The following FNBP1L variants were observed in gnomAD, a reference collection of about 807,000 sequenced individuals.
The protein encoded by FNBP1L is formin-binding protein 1-like.
In FNBP1L, 36 loss-of-function variants were observed where a neutral mutation model predicts 91.2. The observed-to-expected ratio is 0.39, with a 90% CI of 0.30 to 0.52. FNBP1L has a LOEUF of 0.52. FNBP1L is among the 20% of genes least tolerant of loss of function. The pLI is 0.66. For synonymous variants in FNBP1L, 242 were observed against 237.0 expected, an observed-to-expected ratio of 1.02 and a Z score of -0.19; for missense variants, 571 against 732.1, an observed-to-expected ratio of 0.78 and a Z score of 2.54.
rs142123501 is a variant in FNBP1L at position 93,543,248 on chromosome 1, CAG to C, written c.1165-858_1165-857del. 6.6e-3 allele frequency among the ~76,000 whole-genome samples: 1,000 copies of C among 152,164 alleles called. 5 individuals are homozygous for C. Among genetic ancestry groups the C allele is most frequent in the Non-Finnish European group, 0.01 (690 of 68,004 alleles). ...CTGTTGTAATCTGTAATATAAGTAA[CAG>C]TGATTAAAATAACATTTAAGGGAAA... On this transcript the variant is annotated intron_variant, in intron 11 of 16. Transcript: ENST00000271234.
intron 1 of FNBP1L, among the ~76,000 whole-genome samples, chr1:93,498,633 A>T (rs982206344): frequency 1.3e-5 from 2 of 152,210 alleles, no homozygotes; most frequent in African/African-American, 4.8e-5. Context: ...TGCAGACTTG[A>T]TATAAGAGGG....
chr1:93,547,460 T>TG lies in FNBP1L; in HGVS notation c.1502+19_1502+20insG. ...GAGAAAGGTGATTTTTTGTATTTTATTTGTATTTCTTCTCCCCAGAGTTTT... is the reference window on the plus strand; with the variant it reads ...GAGAAAGGTGATTTTTTGTATTTTATGTTGTATTTCTTCTCCCCAGAGTTTT... On this transcript the variant is annotated intron_variant, in intron 14 of 16. Transcript: ENST00000271234. 1 of 1,535,278 alleles carries TG rather than the reference T, an allele frequency of 6.5e-7. No individual in the cohort carries two copies. The highest frequency in any genetic ancestry group is 8.8e-7 in the Non-Finnish European group (1 of 1,133,328).
intron 1 of FNBP1L, among the ~76,000 whole-genome samples, chr1:93,489,541 GA>G (rs1670027731): frequency 6.6e-6 from 1 of 151,986 alleles, no homozygotes; most frequent in South Asian, 2.1e-4. Flanking sequence ...GAGTGGAAGT[GA>G]AAATCACAGA....
At chr1:93,537,598 C>T (rs965512740) in intron 10 of FNBP1L, among the ~76,000 whole-genome samples, 2 of 152,044 alleles carry the variant, frequency 1.3e-5, no homozygotes, top group African/African-American at 2.4e-5. Flanking sequence ...TTCTTTTTTC[C>T]TCCAGTGACA....
intron 5 of FNBP1L, among the ~76,000 whole-genome samples, chr1:93,525,546 A>AGT (rs1570846425): frequency 1.3e-5 from 2 of 152,062 alleles, no homozygotes; most frequent in East Asian, 3.9e-4. Context: ...CCACCTAATG[A>AGT]GTGTGTGTGT....
At chr1:93,548,459 C>T (rs2101775814) in intron 14 of FNBP1L, among the ~76,000 whole-genome samples, 1 of 152,266 alleles carries the variant, frequency 6.6e-6, no homozygotes, top group Middle Eastern at 3.4e-3. Flanking sequence ...AAGTTACCAA[C>T]TTCCCTGTTA....
At chr1:93,510,058 C>A (rs1332277617) in intron 2 of FNBP1L, among the ~76,000 whole-genome samples, 2 of 152,192 alleles carry the variant, frequency 1.3e-5, no homozygotes, top group Admixed American at 1.3e-4. Flanking sequence ...ATTGCCCAGG[C>A]TTGCTTAGGT....
At position 93,505,110 on chromosome 1, in the gene FNBP1L, C is replaced by CTTTTT. The variant is rs61426757; in HGVS notation, c.140+5541_140+5545dup. Reference sequence around the variant, plus strand: ...TGTGTTAAAAGGGTCCAGCTTCATTCTTTTTTTTTTTTTTTTTTGAGACAG... The same window carrying CTTTTT: ...TGTGTTAAAAGGGTCCAGCTTCATTCTTTTTTTTTTTTTTTTTTTTTTTGAGACAG... On this transcript the variant is annotated intron_variant, in intron 2 of 16. Coordinates refer to ENST00000271234, the MANE Select transcript of FNBP1L (RefSeq NM_001164473.3). 1.0e-4 allele frequency among the ~76,000 whole-genome samples: 13 copies of CTTTTT among 125,182 alleles called. 2 individuals are homozygous for CTTTTT. Among genetic ancestry groups the CTTTTT allele is most frequent in the African/African-American group, 1.2e-4 (4 of 33,182 alleles). The allele number at this position is 125,182 out of a possible 152,430, so 82.1% of individuals were successfully genotyped here.
rs550084998 is a variant in FNBP1L at position 93,532,977 on chromosome 1, G to T, written c.695G>T (p.Gly232Val). ...ATTAAACTCAGTGAGTGTTACAGAGGATTTGCTGACTCAGAACGCAAAGTT... is the reference window on the plus strand; with the variant it reads ...ATTAAACTCAGTGAGTGTTACAGAGTATTTGCTGACTCAGAACGCAAAGTT... The part of the protein sequence containing the change: ...RTIKLSECYR[G>V]FADSERKVIP... Residue 232 changes from glycine to valine, a missense_variant, in exon 8 of 17, where the codon GGA (glycine) becomes GTA (valine). Physicochemically the swap from Gly to Val is moderately radical, Grantham distance 109. This residue lies in a region of FNBP1L where 220 missense variants were observed against 313.6 expected (regional missense o/e 0.70). Coordinates refer to ENST00000271234, the MANE Select transcript of FNBP1L (RefSeq NM_001164473.3). 7.5e-5 allele frequency: 121 copies of T among 1,613,246 alleles called. 3 individuals carry two copies. The South Asian group carries it at 1.3e-3, about 17-fold the overall frequency.
At chr1:93,505,025 A>G (rs926583968) in intron 2 of FNBP1L, among the ~76,000 whole-genome samples, 1 of 148,916 alleles carries the variant, frequency 6.7e-6, no homozygotes, top group African/African-American at 2.5e-5. Context: ...ATTTTCTCCT[A>G]TGTTTTCTTC....
chr1:93,517,015 C>T (rs1194407965), intron 2 of FNBP1L, among the ~76,000 whole-genome samples: 2 of 151,046 alleles, frequency 1.3e-5, no homozygotes, highest in African/African-American at 4.9e-5. Flanking sequence ...CTTCCTCTTC[C>T]TCCTCCTCTT....
intron 1 of FNBP1L, among the ~76,000 whole-genome samples, chr1:93,487,594 A>G (rs981196794): frequency 6.6e-6 from 1 of 152,214 alleles, no homozygotes; most frequent in African/African-American, 2.4e-5. Context: ...AGAGAAAATC[A>G]TATAAGGGAA....
intron 15 of FNBP1L, among the ~76,000 whole-genome samples, chr1:93,549,735 C>G (rs1022789353): frequency 6.6e-6 from 1 of 152,154 alleles, no homozygotes; most frequent in Non-Finnish European, 1.5e-5. Context: ...TAAACAAAGT[C>G]GAGGCAGCTT....
At chr1:93,460,094 A>G (rs896781484) in intron 1 of FNBP1L, among the ~76,000 whole-genome samples, 5 of 152,092 alleles carry the variant, frequency 3.3e-5, no homozygotes, top group Admixed American at 6.6e-5. Flanking sequence ...TTGGCACTCA[A>G]AAGGTTTTGG....
At chr1:93,542,153 G>A (rs944830977) in intron 11 of FNBP1L, among the ~76,000 whole-genome samples, 9 of 151,878 alleles carry the variant, frequency 5.9e-5, no homozygotes, top group African/African-American at 2.2e-4. Flanking sequence ...CTCCTTTTCT[G>A]TAATCCCAGC....
chr1:93,547,208 T>C (rs1672271557), intron 13 of FNBP1L, 139 bp from the exon 14 acceptor site: 1 of 886,692 alleles, frequency 1.1e-6, no homozygotes, highest in East Asian at 2.7e-5. Context: ...GTTGATCCTT[T>C]GACCAGTTTG....
intron 12 of FNBP1L, 136 bp from the exon 13 acceptor site, chr1:93,546,706 C>A: frequency 2.4e-6 from 2 of 840,736 alleles, no homozygotes; most frequent in Non-Finnish European, 3.7e-6. Context: ...TTAATCAGGT[C>A]ATGTTAGACA....
intron 4 of FNBP1L, 59 bp downstream of exon 4, chr1:93,523,550 C>CT: frequency 6.2e-6 from 9 of 1,442,482 alleles, no homozygotes; most frequent in Non-Finnish European, 8.4e-6. Flanking sequence ...CACAGAAACA[C>CT]TTTGTTTTCT....
At chr1:93,472,811 CAAAAAAAAAAAAAAAAAAA>C (rs57548632) in intron 1 of FNBP1L, among the ~76,000 whole-genome samples, 12 of 46,882 alleles carry the variant, frequency 2.6e-4, no homozygotes, top group South Asian at 3.0e-3. Flanking sequence ...GACTCCATCT[CAAAAAAAAAAAAAAAAAAA>C]AAAAAAAAAA....
Sources: allele counts gnomAD v4.1 joint callset (sites outside exome capture counted in the v4.1 genomes callset), GRCh38; gene constraint gnomAD v4.1.1; regional missense constraint gnomAD v4.1.1; transcripts MANE v1.5; gene names NCBI Gene and HGNC (gene_info 2026-07-23, HGNC 2026-07-21).